Variants in PPP5C observed in about 807,000 individuals in gnomAD.
PPP5C encodes the protein serine/threonine-protein phosphatase 5.
PPP5C carries 21 observed loss-of-function variants against 66.7 expected under a neutral mutation model. The observed-to-expected ratio is 0.31, with a 90% CI of 0.22 to 0.45. The LOEUF (loss-of-function observed/expected upper bound fraction) is 0.45, where lower values mean the gene tolerates loss of function less well. Ranked by LOEUF, PPP5C falls within the 20% of genes least tolerant of loss-of-function variation. The pLI is 1.00. For missense variants in PPP5C, 464 were observed against 675.9 expected, an observed-to-expected ratio of 0.69 and a Z score of 3.48; for synonymous variants, 246 against 257.4, an observed-to-expected ratio of 0.96 and a Z score of 0.43.
intron 11 of PPP5C, among the ~76,000 whole-genome samples, chr19:46,389,362 A>AACACACACACACACACACACACACACAC (rs57181889): frequency 1.0e-5 from 1 of 98,060 alleles, no homozygotes; most frequent in Non-Finnish European, 2.0e-5. Context: ...TCCATCTCAA[A>AACACACACACACACACACACACACACAC]ACACACACAC....
intron 2 of PPP5C, among the ~76,000 whole-genome samples, chr19:46,360,899 C>A (rs1383782858): frequency 1.3e-5 from 2 of 152,136 alleles, no homozygotes; most frequent in South Asian, 2.1e-4. Flanking sequence ...ATTCATTTAG[C>A]CAAAGTGTTA....
At chr19:46,385,069 A>G (rs1468583334) in intron 7 of PPP5C, 160 bp downstream of exon 7, 1 of 604,132 alleles carries the variant, frequency 1.7e-6, no homozygotes, top group Admixed American at 2.8e-5. Flanking sequence ...GCACAAAAGC[A>G]TCACACCAAA....
At position 46,354,002 on chromosome 19, in the gene PPP5C, G is replaced by A. The variant is rs1972239008; in HGVS notation, c.363+13G>A. 14 of 1,609,470 alleles carry A rather than the reference G, an allele frequency of 8.7e-6. No homozygotes were observed. The highest frequency in any genetic ancestry group is 1.3e-5 in the African/African-American group (1 of 75,010). ...AGACTACGAGACGGTGAGCTGGGGA[G>A]TGGGCCAGGCCTGGCACCTGAGCCA... On this transcript the variant is annotated intron_variant, in intron 2 of 12. Coordinates refer to ENST00000012443, the MANE Select transcript of PPP5C (RefSeq NM_006247.4).
chr19:46,384,495 G>T (rs1053579019), intron 6 of PPP5C: 5 of 348,692 alleles, frequency 1.4e-5, no homozygotes, highest in Non-Finnish European at 2.8e-5. Context: ...TCTGAGGAGA[G>T]CTGAAGGAGG....
At chr19:46,363,516 G>A (rs1972437496) in intron 2 of PPP5C, among the ~76,000 whole-genome samples, 1 of 151,064 alleles carries the variant, frequency 6.6e-6, no homozygotes, top group South Asian at 2.1e-4. Context: ...TGCAATCTCT[G>A]CCTCCCAGTT....
intron 2 of PPP5C, among the ~76,000 whole-genome samples, chr19:46,358,777 C>A (rs769177249): frequency 6.6e-6 from 1 of 152,108 alleles, no homozygotes; most frequent in Non-Finnish European, 1.5e-5. Flanking sequence ...TAAAAAATAA[C>A]ATTGATCAGT....
Position 46,388,349 on chromosome 19 carries a change from T to C in PPP5C, c.1136-59T>C. 4 of 1,549,966 alleles carry C rather than the reference T, an allele frequency of 2.6e-6. No homozygotes were observed. Among genetic ancestry groups the C allele is most frequent in the Non-Finnish European group, 2.6e-6 (3 of 1,140,648 alleles). The stretch of plus-strand genomic sequence containing the variant: ...CCTGGCCGGGCCAGGAGGTGGCCTG[T>C]GAGTGACCACCCCCGGGGAGGTGGA... On this transcript the variant is annotated intron_variant, in intron 9 of 12. Coordinates refer to ENST00000012443, the MANE Select transcript of PPP5C (RefSeq NM_006247.4). The surrounding 1 kb of genome is among the most constrained non-coding windows in gnomAD (Gnocchi z 4.9).
At chr19:46,348,860 T>A (rs1257776491) in intron 1 of PPP5C, among the ~76,000 whole-genome samples, 1 of 152,160 alleles carries the variant, frequency 6.6e-6, no homozygotes, top group Admixed American at 6.5e-5. Context: ...CTGGTGCCTT[T>A]AGTCCGATGC....
intron 2 of PPP5C, among the ~76,000 whole-genome samples, chr19:46,369,755 A>G (rs1380296377): frequency 6.7e-6 from 1 of 149,870 alleles, no homozygotes; most frequent in East Asian, 2.0e-4. Context: ...GTGAAACCCC[A>G]TCTCTACTAA....
At chr19:46,367,889 G>A (rs911680581) in intron 2 of PPP5C, among the ~76,000 whole-genome samples, 1 of 152,162 alleles carries the variant, frequency 6.6e-6, no homozygotes, top group African/African-American at 2.4e-5. Flanking sequence ...TGGAGTTTTA[G>A]CTCAGGTCCG....
intron 1 of PPP5C, among the ~76,000 whole-genome samples, chr19:46,349,158 G>A (rs1382718787): frequency 6.6e-6 from 1 of 152,124 alleles, no homozygotes; most frequent in Non-Finnish European, 1.5e-5. Context: ...GTTGGGTGTG[G>A]TGGCACACAC....
chr19:46,364,363 C>T (rs956036961), intron 2 of PPP5C, among the ~76,000 whole-genome samples: 2 of 152,112 alleles, frequency 1.3e-5, no homozygotes, highest in African/African-American at 4.8e-5. Context: ...CCCCTGTAAT[C>T]CCAGTATTTT....
chr19:46,376,688 C>T lies in PPP5C; in HGVS notation c.633+114C>T. 3 of 1,422,412 alleles carry T rather than the reference C, an allele frequency of 2.1e-6. No homozygotes were observed. The highest frequency in any genetic ancestry group is 1.9e-6 in the Non-Finnish European group (2 of 1,042,238). 88.1% of individuals were successfully genotyped at this position (1,422,412 alleles called of 1,614,324 possible). A position where few individuals can be genotyped will look rare whatever the true frequency, so the allele number is the denominator to read the frequency against. The stretch of plus-strand genomic sequence containing the variant: ...AGAAGGGCGGCCATGACAGCCAACA[C>T]CAAACAGGAGTCGTGTGCCGGACAC... On this transcript the variant is annotated intron_variant, in intron 4 of 12. Transcript: ENST00000012443. The surrounding 1 kb of genome is among the most constrained non-coding windows in gnomAD (Gnocchi z 5.1).
intron 2 of PPP5C, among the ~76,000 whole-genome samples, chr19:46,371,985 G>A (rs1163047855): frequency 6.6e-6 from 1 of 152,174 alleles, no homozygotes; most frequent in Non-Finnish European, 1.5e-5. Flanking sequence ...AAGAACAGTT[G>A]TTCTGGTAAG....
In PPP5C at chr19:46,387,417, C is replaced by T. The variant is rs771003117; in HGVS notation, c.1099C>T (p.Arg367Trp). 1.9e-6 allele frequency: 3 copies of T among 1,613,210 alleles called. No individual in the cohort carries two copies. Among genetic ancestry groups the T allele is most frequent in the Non-Finnish European group, 2.5e-6 (3 of 1,179,216 alleles). Residue 367 changes from arginine (R) to tryptophan (W), a missense_variant, in exon 9 of 13, where the codon CGG (arginine) becomes TGG (tryptophan). Physicochemically the swap from Arg to Trp is moderately radical, Grantham distance 101. Coordinates refer to ENST00000012443, the MANE Select transcript of PPP5C (RefSeq NM_006247.4). Reference protein sequence around the residue: ...SEDGVTLDDIRKIERNRQPPD... With the variant: ...SEDGVTLDDIWKIERNRQPPD... ...AGACGGTGTCACCCTGGATGACATCCGGAAAATTGAGCGGAATCGACAACC... is the reference window on the plus strand; with the variant it reads ...AGACGGTGTCACCCTGGATGACATCTGGAAAATTGAGCGGAATCGACAACC...
At chr19:46,379,364 T>TTTTAA (rs1426243944) in intron 4 of PPP5C, among the ~76,000 whole-genome samples, 4 of 152,194 alleles carry the variant, frequency 2.6e-5, no homozygotes, top group Non-Finnish European at 5.9e-5. Context: ...ATTTTTGTAT[T>TTTTAA]TTTAATAGAG....
chr19:46,380,954 C>G (rs1972780204), intron 4 of PPP5C, among the ~76,000 whole-genome samples: 1 of 152,048 alleles, frequency 6.6e-6, no homozygotes, highest in African/African-American at 2.4e-5. Flanking sequence ...ATATTTCTTC[C>G]CATTTCTGCT....
chr19:46,359,862 T>G (rs1432608179), intron 2 of PPP5C, among the ~76,000 whole-genome samples: 1 of 146,056 alleles, frequency 6.8e-6, no homozygotes, highest in East Asian at 2.1e-4. Context: ...TCACTGCAAC[T>G]TCTGCCTCCT....
rs1378077754 is a variant in PPP5C, at chr19:46,387,425, T to G, written c.1107T>G (p.Ile369Met). 1 of 1,613,294 alleles carries G rather than the reference T, an allele frequency of 6.2e-7. No homozygotes were observed. ...DGVTLDDIRK[I>M]ERNRQPPDSG... ...TCACCCTGGATGACATCCGGAAAAT[T>G]GAGCGGAATCGACAACCCCCAGATT... Residue 369 changes from isoleucine (I) to methionine (M), a missense_variant, in exon 9 of 13, where the codon ATT (isoleucine) becomes ATG (methionine). Physicochemically the swap from Ile to Met is conservative, Grantham distance 10. Transcript: ENST00000012443.
Sources: gnomAD v4.1 joint callset for allele counts (sites outside exome capture counted in the v4.1 genomes callset) on GRCh38, gnomAD v4.1.1 for gene constraint, Gnocchi (gnomAD v3.1) non-coding constraint, MANE v1.5 for transcripts, NCBI Gene and HGNC (gene_info 2026-07-23, HGNC 2026-07-21) for gene names.